Variants in DNAAF2 observed in about 807,000 individuals in gnomAD.
DNAAF2 encodes the protein dynein axonemal assembly factor 2.
In DNAAF2, 58 loss-of-function variants were observed where a neutral mutation model predicts 48.8. That is an observed-to-expected ratio of 1.19 (90% CI 0.96 to 1.48). DNAAF2 has a LOEUF of 1.48. Among genes scored for constraint, DNAAF2 ranks in the 40% most tolerant of loss-of-function variants. DNAAF2 has a pLI of 0.00. For missense variants in DNAAF2, 1,241 were observed against 1,116.1 expected, an observed-to-expected ratio of 1.11 and a Z score of -1.59; for synonymous variants, 567 against 481.2, an observed-to-expected ratio of 1.18 and a Z score of -2.33.
At position 49,634,756 on chromosome 14, in the gene DNAAF2, C is replaced by T. The variant is rs1048364248; in HGVS notation, c.394G>A (p.Ala132Thr). The change falls in exon 1 of 3, where the codon GCG (alanine) becomes ACG (threonine). Residue 132 changes from alanine to threonine, a missense_variant. Coordinates refer to ENST00000298292, the MANE Select transcript of DNAAF2 (RefSeq NM_018139.3). ...PYSLAPGREYAGRSSSRYMVY... is the reference protein window; with the variant it reads ...PYSLAPGREYTGRSSSRYMVY... The stretch of plus-strand genomic sequence containing the variant: ...ATGTAGCGGCTGCTGCTGCGCCCCG[C>T]GTACTCGCGGCCGGGCGCCAGGCTG... 1.3e-6 allele frequency: 2 copies of T among 1,599,362 alleles called. No homozygotes were observed.
Position 49,634,945 on chromosome 14 carries a change from ACCGCACTTCCACC to A in DNAAF2, c.192_204del (p.Val65SerfsTer22), listed in dbSNP as rs1566513686. 1 of 1,557,158 alleles carries A rather than the reference ACCGCACTTCCACC, an allele frequency of 6.4e-7. No homozygotes were observed. The highest frequency in any genetic ancestry group is 8.7e-7 in the Non-Finnish European group (1 of 1,150,522). Reference sequence around the variant, plus strand: ...ACATGGCCGGGCTCCGGGTGCACGAACCGCACTTCCACCCCGCGCTCACGCTCTAGCGCGGTGA... The same window carrying A: ...ACATGGCCGGGCTCCGGGTGCACGAACCGCGCTCACGCTCTAGCGCGGTGA... On this transcript the variant is annotated frameshift_variant, in exon 1 of 3. Coordinates refer to ENST00000298292, the MANE Select transcript of DNAAF2 (RefSeq NM_018139.3). LOFTEE classifies it high-confidence loss of function.
rs184813918 is a variant in DNAAF2 at position 49,632,705 on chromosome 14, C to T, written c.1863+582G>A. Among the ~76,000 whole-genome samples the T allele has an allele frequency of 2.4e-4, 37 of 152,186 alleles. No individual in the cohort carries two copies. In the East Asian group the frequency reaches 6.8e-3, roughly 28 times the overall value. On this transcript the variant is annotated intron_variant, in intron 1 of 2. Coordinates refer to ENST00000298292, the MANE Select transcript of DNAAF2 (RefSeq NM_018139.3). ...AGAAGATCCACCCGCCTTGGCCCCC[C>T]CAAAGTGCTGGGATTACAAGCGTGA...
Position 49,633,554 on chromosome 14 carries a change from T to C in DNAAF2, c.1596A>G (p.Glu532=), listed in dbSNP as rs374369407. 4.3e-5 allele frequency: 69 copies of C among 1,613,874 alleles called. No individual in the cohort carries two copies. Among genetic ancestry groups the C allele is most frequent in the Non-Finnish European group, 5.5e-5 (65 of 1,179,884 alleles). ...GCACCTGAATGAGCAGAGTCAAGGTTTCTTTGTCCTGATTACACAGTAACG... is the reference window on the plus strand; with the variant it reads ...GCACCTGAATGAGCAGAGTCAAGGTCTCTTTGTCCTGATTACACAGTAACG... ...CPPLLCNQDK[E]TLTLLIQVPR... is the part of the protein sequence containing the mutation. The change falls in exon 1 of 3, where the codon GAA becomes GAG. Residue 532 remains glutamate, a synonymous_variant. Transcript: ENST00000298292.
In DNAAF2 at chr14:49,633,558, T is replaced by C; in HGVS notation, c.1592A>G (p.Lys531Arg). 6.2e-7 allele frequency: 1 copy of C among 1,614,020 alleles called. No individual in the cohort carries two copies. Among genetic ancestry groups the C allele is most frequent in the Non-Finnish European group, 8.5e-7 (1 of 1,179,882 alleles). ...CTGAATGAGCAGAGTCAAGGTTTCT[T>C]TGTCCTGATTACACAGTAACGGAGG... The part of the protein sequence containing the change: ...LCPPLLCNQD[K>R]ETLTLLIQVP... Residue 531 changes from lysine to arginine, a missense_variant, in exon 1 of 3, where the codon AAA becomes AGA. Physicochemically the swap from Lys to Arg is conservative, Grantham distance 26. Coordinates refer to ENST00000298292, the MANE Select transcript of DNAAF2 (RefSeq NM_018139.3).
chr14:49,629,017 C>T (rs1231513797), intron 1 of DNAAF2, among the ~76,000 whole-genome samples: 2 of 152,172 alleles, frequency 1.3e-5, no homozygotes, highest in Non-Finnish European at 2.9e-5. Flanking sequence ...GGCTGGAGTG[C>T]AGTGGCATAA....
In DNAAF2 at chr14:49,634,504, C is replaced by G. The variant is rs1008470590; in HGVS notation, c.646G>C (p.Glu216Gln). ...PGVIPARPDGEPKGPLPDFPY... is the reference protein window; with the variant it reads ...PGVIPARPDGQPKGPLPDFPY... ...AAGTCCGGGAGAGGACCCTTCGGCT[C>G]CCCGTCAGGCCTTGCGGGGATGACC... is the stretch of plus-strand genomic sequence containing the variant. The change falls in exon 1 of 3, where the codon GAG (glutamate) becomes CAG (glutamine). Residue 216 changes from glutamate (E) to glutamine (Q), a missense_variant. Physicochemically the swap from Glu to Gln is conservative, Grantham distance 29 (BLOSUM62 2). Transcript: ENST00000298292. 6.3e-7 allele frequency: 1 copy of G among 1,596,896 alleles called. No individual in the cohort carries two copies. Among genetic ancestry groups the G allele is most frequent in the Admixed American group, 1.7e-5 (1 of 59,210 alleles).
chr14:49,630,608 C>T (rs76498454), intron 1 of DNAAF2, among the ~76,000 whole-genome samples: 2,307 of 148,456 alleles, frequency 0.016, 58 homozygotes, highest in African/African-American at 0.042. Context: ...ATATTCAGGG[C>T]AACTTGAATA....
intron 2 of DNAAF2, among the ~76,000 whole-genome samples, chr14:49,627,091 A>G (rs1883028832): frequency 6.6e-6 from 1 of 152,130 alleles, no homozygotes; most frequent in South Asian, 2.1e-4. Context: ...GGTGTGAGCC[A>G]CTGCACCCAG....
At chr14:49,627,809 C>A (rs929957088) in intron 2 of DNAAF2, among the ~76,000 whole-genome samples, 2 of 150,788 alleles carry the variant, frequency 1.3e-5, no homozygotes, top group African/African-American at 4.9e-5. Flanking sequence ...GAGATGAGAT[C>A]GCGCTACTGC....
intron 1 of DNAAF2, among the ~76,000 whole-genome samples, chr14:49,632,357 A>C (rs917850738): frequency 6.6e-6 from 1 of 152,162 alleles, no homozygotes; most frequent in Admixed American, 6.5e-5. Context: ...CAAAAATTAC[A>C]CATGTAACTT....
intron 1 of DNAAF2, among the ~76,000 whole-genome samples, chr14:49,630,700 C>CACACAA (rs1555327682): frequency 9.7e-6 from 1 of 103,014 alleles, no homozygotes; most frequent in African/African-American, 3.5e-5. Context: ...CACACACACA[C>CACACAA]ATAAACTCTC....
intron 1 of DNAAF2, among the ~76,000 whole-genome samples, chr14:49,631,701 T>C (rs1883170019): frequency 6.6e-6 from 1 of 152,212 alleles, no homozygotes; most frequent in Non-Finnish European, 1.5e-5. Context: ...CTGAAAAAGT[T>C]ACTGACCTCA....
At position 49,625,912 on chromosome 14, in the gene DNAAF2, T is replaced by TA; in HGVS notation, c.2143_2144insT (p.Lys715IlefsTer7). 6.2e-7 allele frequency: 1 copy of TA among 1,613,628 alleles called. No individual in the cohort carries two copies. On this transcript the variant is annotated frameshift_variant, in exon 3 of 3. Transcript: ENST00000298292. LOFTEE classifies it low-confidence loss of function (END_TRUNC). ...ACCAAAGCTATCTATTTGTAGTGCT[T>TA]TAACTGCTATAGATGAATCAGAATC...
intron 2 of DNAAF2, among the ~76,000 whole-genome samples, chr14:49,626,267 C>T (rs897461599): frequency 3.9e-5 from 6 of 152,128 alleles, no homozygotes; most frequent in Admixed American, 3.9e-4. Flanking sequence ...GCAGGCAGAT[C>T]ACTTGAGGTC....
In DNAAF2 at chr14:49,634,077, G is replaced by C; in HGVS notation, c.1073C>G (p.Ala358Gly). ...CGGCGCGGCGGCGGCGACGGCGACA[G>C]CGGGCTCCCGGCGCGCGGCCGGCAG... ...VVLPAARREP[A>G]VAVAAAAPEE... is the part of the protein sequence containing the mutation. The change falls in exon 1 of 3, where the codon GCT (alanine) becomes GGT (glycine). Residue 358 changes from alanine to glycine, a missense_variant. Coordinates refer to ENST00000298292, the MANE Select transcript of DNAAF2 (RefSeq NM_018139.3). 5.2e-6 allele frequency: 8 copies of C among 1,536,612 alleles called. No individual in the cohort carries two copies. The highest frequency in any genetic ancestry group is 7.0e-6 in the Non-Finnish European group (8 of 1,143,138).
At chr14:49,632,915 GTT>G (rs11299237) in intron 1 of DNAAF2, among the ~76,000 whole-genome samples, 43 of 148,820 alleles carry the variant, frequency 2.9e-4, no homozygotes, top group Middle Eastern at 3.4e-3. Flanking sequence ...ATTTTAAGTT[GTT>G]TTTTTTTTTG....
At chr14:49,629,036 C>G (rs117740860) in intron 1 of DNAAF2, among the ~76,000 whole-genome samples, 1 of 152,086 alleles carries the variant, frequency 6.6e-6, no homozygotes, top group African/African-American at 2.4e-5. Context: ...AATCACGGCT[C>G]GCTGCAGCCT....
chr14:49,631,751 A>T (rs1242169972), intron 1 of DNAAF2, among the ~76,000 whole-genome samples: 1 of 152,226 alleles, frequency 6.6e-6, no homozygotes, highest in Non-Finnish European at 1.5e-5. Context: ...GTAAACACTG[A>T]AAACTTCAAT....
chr14:49,626,799 CTT>C (rs34085502), intron 2 of DNAAF2, among the ~76,000 whole-genome samples: 2 of 63,410 alleles, frequency 3.2e-5, no homozygotes. Flanking sequence ...TGCTGCCAGT[CTT>C]TTTTTTTTTT....
Sources: allele counts gnomAD v4.1 joint callset (sites outside exome capture counted in the v4.1 genomes callset), GRCh38; gene constraint gnomAD v4.1.1; transcripts MANE v1.5; gene names NCBI Gene and HGNC (gene_info 2026-07-23, HGNC 2026-07-21).